Variants in RSPO2 observed in about 807,000 individuals in gnomAD.
RSPO2 encodes R-spondin-2.
Under a neutral mutation model 30.9 loss-of-function variants are expected in RSPO2, and 14 were observed. That is an observed-to-expected ratio of 0.45 (90% CI 0.30 to 0.71). The LOEUF (loss-of-function observed/expected upper bound fraction) is 0.71. RSPO2 is among the 30% of genes least tolerant of loss of function. The pLI is 0.08. For missense variants in RSPO2, 264 were observed against 301.9 expected, an observed-to-expected ratio of 0.87 and a Z score of 0.93; for synonymous variants, 107 against 96.4, an observed-to-expected ratio of 1.11 and a Z score of -0.64.
intron 2 of RSPO2, among the ~76,000 whole-genome samples, chr8:108,019,546 A>C (rs1032348138): frequency 1.2e-4 from 18 of 152,036 alleles, no homozygotes; most frequent in African/African-American, 4.4e-4. Flanking sequence ...GTCTGAGCCA[A>C]TTCTCAGTCA....
intron 2 of RSPO2, among the ~76,000 whole-genome samples, chr8:108,065,452 C>T (rs984990580): frequency 1.3e-5 from 2 of 151,876 alleles, no homozygotes; most frequent in African/African-American, 4.8e-5. Context: ...CCCTTTAATC[C>T]TCTCAATAGG....
At chr8:108,082,205 A>G (rs1189436472) in intron 2 of RSPO2, among the ~76,000 whole-genome samples, 1 of 152,056 alleles carries the variant, frequency 6.6e-6, no homozygotes, top group Admixed American at 6.5e-5. Context: ...AAAAAAATGC[A>G]TGTCAGATAA....
At chr8:108,065,684 T>C (rs1041041690) in intron 2 of RSPO2, among the ~76,000 whole-genome samples, 5 of 150,966 alleles carry the variant, frequency 3.3e-5, no homozygotes, top group South Asian at 4.2e-4. Context: ...AAAACTTTAC[T>C]GTCCCCTGCC....
chr8:108,080,095 A>T (rs1813146472), intron 2 of RSPO2, among the ~76,000 whole-genome samples: 1 of 152,182 alleles, frequency 6.6e-6, no homozygotes, highest in Non-Finnish European at 1.5e-5. Flanking sequence ...AAGAGGGACA[A>T]TTCACACAAC....
At chr8:107,944,422 G>GTA (rs1812991313) in intron 5 of RSPO2, among the ~76,000 whole-genome samples, 1 of 152,070 alleles carries the variant, frequency 6.6e-6, no homozygotes, top group Non-Finnish European at 1.5e-5. Context: ...CTTTTTATTG[G>GTA]TATATCATAG....
intron 3 of RSPO2, among the ~76,000 whole-genome samples, chr8:107,966,194 C>T (rs1050721855): frequency 1.3e-5 from 2 of 152,128 alleles, no homozygotes; most frequent in Non-Finnish European, 2.9e-5. Context: ...AAATGAAGCT[C>T]AGTTCAAGAT....
chr8:108,003,390 C>T (rs1259691536), intron 2 of RSPO2, among the ~76,000 whole-genome samples: 1 of 142,288 alleles, frequency 7.0e-6, no homozygotes, highest in African/African-American at 2.6e-5. Flanking sequence ...AACTCCTGGC[C>T]TTGGGTAATC....
intron 3 of RSPO2, among the ~76,000 whole-genome samples, chr8:107,973,164 G>A (rs1406966662): frequency 6.6e-6 from 1 of 151,950 alleles, no homozygotes; most frequent in Non-Finnish European, 1.5e-5. Context: ...CAGCTACCCA[G>A]GAGGCTGAGC....
chr8:107,975,506 T>C (rs551727257), intron 3 of RSPO2, among the ~76,000 whole-genome samples: 16 of 152,320 alleles, frequency 1.1e-4, no homozygotes, highest in East Asian at 1.9e-4. Flanking sequence ...GAATAACTCA[T>C]TGAAAGGACT....
At chr8:108,003,309 ATATTT>A (rs1815337824) in intron 2 of RSPO2, among the ~76,000 whole-genome samples, 2 of 16,914 alleles carry the variant, frequency 1.2e-4, no homozygotes, top group South Asian at 3.1e-3. Flanking sequence ...ATATATATAT[ATATTT>A]TTTTTTTTTT....
intron 3 of RSPO2, chr8:107,983,703 T>C: frequency 6.3e-7 from 1 of 1,591,408 alleles, no homozygotes; most frequent in East Asian, 2.2e-5. Flanking sequence ...GGGAAGAAAA[T>C]AACAACTAAA....
At chr8:107,971,533 T>C (rs1164854624) in intron 3 of RSPO2, among the ~76,000 whole-genome samples, 3 of 152,196 alleles carry the variant, frequency 2.0e-5, no homozygotes, top group African/African-American at 4.8e-5. Flanking sequence ...AGCTACTGCA[T>C]TGCAACTGTG....
At chr8:108,075,531 C>T (rs1429841188) in intron 2 of RSPO2, among the ~76,000 whole-genome samples, 3 of 151,658 alleles carry the variant, frequency 2.0e-5, no homozygotes, top group African/African-American at 7.3e-5. Flanking sequence ...CCTACCATAC[C>T]CACAAATCAC....
At chr8:108,051,571 G>T (rs998273289) in intron 2 of RSPO2, among the ~76,000 whole-genome samples, 2 of 152,074 alleles carry the variant, frequency 1.3e-5, no homozygotes, top group African/African-American at 4.8e-5. Flanking sequence ...GAAGACTCAG[G>T]GTCTTATCAG....
At chr8:107,968,731 A>G (rs1018370136) in intron 3 of RSPO2, among the ~76,000 whole-genome samples, 1 of 152,130 alleles carries the variant, frequency 6.6e-6, no homozygotes, top group African/African-American at 2.4e-5. Flanking sequence ...AAATAATAAA[A>G]TACATTTTAA....
chr8:107,907,308 CTCT>C (rs1008191194), intron 5 of RSPO2, among the ~76,000 whole-genome samples: 3 of 151,884 alleles, frequency 2.0e-5, no homozygotes, highest in African/African-American at 7.2e-5. Flanking sequence ...AGAAATGCAC[CTCT>C]TCTTTTCACT....
At chr8:107,938,676 T>A (rs1221914939) in intron 5 of RSPO2, among the ~76,000 whole-genome samples, 1 of 152,180 alleles carries the variant, frequency 6.6e-6, no homozygotes, top group African/African-American at 2.4e-5. Flanking sequence ...AGGTGACAGA[T>A]GTGCCTTTGC....
chr8:108,022,946 C>CAAA (rs1811101328), intron 2 of RSPO2, among the ~76,000 whole-genome samples: 6 of 133,750 alleles, frequency 4.5e-5, no homozygotes, highest in African/African-American at 1.5e-4. Flanking sequence ...AAAAAAAAAC[C>CAAA]ACACACACAC....
At chr8:107,987,085 C>T (rs1012269713) in intron 3 of RSPO2, among the ~76,000 whole-genome samples, 2 of 152,156 alleles carry the variant, frequency 1.3e-5, no homozygotes, top group Non-Finnish European at 2.9e-5. Flanking sequence ...ATTTCTAACT[C>T]TGCTAACGAC....
Sources: gnomAD v4.1 joint callset for allele counts (sites outside exome capture counted in the v4.1 genomes callset) on GRCh38, gnomAD v4.1.1 for gene constraint, MANE v1.5 for transcripts, NCBI Gene and HGNC (gene_info 2026-07-23, HGNC 2026-07-21) for gene names.